TNNI1: variants seen among roughly 807,000 people sequenced by gnomAD.
TNNI1 encodes the protein troponin I1, slow skeletal type, also known as troponin I, slow skeletal muscle.
Under a neutral mutation model 26.7 loss-of-function variants are expected in TNNI1, and 14 were observed. The ratio of observed to expected loss-of-function variants is 0.52; its 90% CI spans 0.35 to 0.82. TNNI1 has a LOEUF of 0.82. Among genes scored for constraint, TNNI1 ranks in the 40% least tolerant of loss-of-function variants. TNNI1 has a pLI of 0.01. For missense variants in TNNI1, 164 were observed against 257.0 expected, an observed-to-expected ratio of 0.64 and a Z score of 2.47; for synonymous variants, 79 against 98.2, an observed-to-expected ratio of 0.80 and a Z score of 1.16.
chr1:201,420,563 G>A (rs765338858), intron 1 of TNNI1, among the ~76,000 whole-genome samples: 3 of 152,170 alleles, frequency 2.0e-5, no homozygotes, highest in Non-Finnish European at 2.9e-5. Flanking sequence ...GTGTGTGTAA[G>A]TGACTGTGTG....
chr1:201,409,639 C>T (rs527393713), intron 8 of TNNI1, among the ~76,000 whole-genome samples: 1 of 152,342 alleles, frequency 6.6e-6, no homozygotes, highest in East Asian at 1.9e-4. Context: ...CCTGCTCTGA[C>T]CAGTGCTGTC....
At chr1:201,414,695 C>T (rs773379121) in intron 4 of TNNI1, 46 bp from the exon 5 acceptor site, 2 of 1,597,150 alleles carry the variant, frequency 1.3e-6, no homozygotes, top group Non-Finnish European at 1.7e-6. Context: ...CATCTCCCAC[C>T]CGGCATCAGG....
In TNNI1 at chr1:201,418,734, C is replaced by T. The variant is rs554763269; in HGVS notation, c.-19-922G>A. 3.9e-5 allele frequency among the ~76,000 whole-genome samples: 6 copies of T among 152,332 alleles called. No homozygotes were observed. In the South Asian group the frequency reaches 1.2e-3, roughly 32 times the overall value. On this transcript the variant is annotated intron_variant, in intron 1 of 8. Transcript: ENST00000361379. ...GAGTGGGAGAGAATAAGCCGCAAGG[C>T]AGGGCAAATCCCGTGTTCACCCTAG...
Position 201,417,788 on chromosome 1 carries a change from C to T in TNNI1, c.6G>A (p.Pro2=), listed in dbSNP as rs3738286. 55,341 of 1,313,128 alleles carry T rather than the reference C, an allele frequency of 0.042. 1,830 individuals carry two copies. Among genetic ancestry groups the T allele is most frequent in the South Asian group, 0.19 (6,099 of 31,464 alleles). 81.3% of individuals were successfully genotyped at this position (1,313,128 alleles called of 1,614,324 possible). A position where few individuals can be genotyped will look rare whatever the true frequency, so the allele number is the denominator to read the frequency against. ...ATGGCAGTGAGACTACTTACACTTC[C>T]GGCATGGTGGCAGTGAGACAGCACC... M[P]EVERKPKITA... The change falls in exon 2 of 9, where the codon CCG becomes CCA. Residue 2 remains proline, a synonymous_variant. Transcript: ENST00000361379.
chr1:201,413,338 C>T (rs1662670243), intron 5 of TNNI1, among the ~76,000 whole-genome samples: 1 of 152,182 alleles, frequency 6.6e-6, no homozygotes, highest in South Asian at 2.1e-4. Flanking sequence ...AAATAGTATT[C>T]CTTCGCTTGA....
Position 201,413,010 on chromosome 1 carries a change from C to T in TNNI1, c.279+22G>A, listed in dbSNP as rs761310238. ...CCTGCCCAACCCATTATGGCCATGC[C>T]CCTTCCCTTCCTTAGACTCACCTCC... is the stretch of plus-strand genomic sequence containing the variant. On this transcript the variant is annotated intron_variant, in intron 6 of 8. Transcript: ENST00000361379. 2.5e-6 allele frequency: 4 copies of T among 1,612,708 alleles called. No individual in the cohort carries two copies. In the South Asian group the frequency reaches 3.3e-5, roughly 13 times the overall value.
chr1:201,407,207 G>A lies in TNNI1; in HGVS notation c.*2046C>T, dbSNP rs544479032. 1 of 152,426 alleles carries A rather than the reference G, an allele frequency of 6.6e-6. No individual in the cohort carries two copies. Among genetic ancestry groups the A allele is most frequent in the Non-Finnish European group, 1.5e-5 (1 of 68,086 alleles). 9.4% of individuals were successfully genotyped at this position (152,426 alleles called of 1,614,324 possible). A position where few individuals can be genotyped will look rare whatever the true frequency, so the allele number is the denominator to read the frequency against. On this transcript the variant is annotated 3_prime_UTR_variant, in exon 9 of 9. Transcript: ENST00000361379. ...GAGGAGCCCTGTGAGGCGGGGAAGA[G>A]TGGGTTTCTGTGGCTGCCTGGGCAT... is the stretch of plus-strand genomic sequence containing the variant.
At chr1:201,420,248 G>A (rs931134189) in intron 1 of TNNI1, among the ~76,000 whole-genome samples, 4 of 152,222 alleles carry the variant, frequency 2.6e-5, no homozygotes, top group South Asian at 2.1e-4. Flanking sequence ...GGGGTCCCAC[G>A]TCAGGCAAGA....
At position 201,414,662 on chromosome 1, in the gene TNNI1, C is replaced by T. The variant is rs1006717506; in HGVS notation, c.58-13G>A. On this transcript the variant is annotated splice_polypyrimidine_tract_variant and intron_variant, in intron 4 of 8. Transcript: ENST00000361379. ...CCAGCATCAGGCTCTGGACAGGACA[C>T]ACCTGCTGAGCTGGGGGCCTCACAT... The T allele has an allele frequency of 2.5e-6, 4 of 1,610,146 alleles. No homozygotes were observed. Among genetic ancestry groups the T allele is most frequent in the African/African-American group, 1.3e-5 (1 of 74,892 alleles).
rs564821319 is a variant in TNNI1 at position 201,403,865 on chromosome 1, T to A, written c.*5388A>T. The stretch of plus-strand genomic sequence containing the variant: ...AACCAAGAGAATAACAAACACAAAA[T>A]TGAGGATTGTATTTACCTTTGTGGA... On this transcript the variant is annotated 3_prime_UTR_variant, in exon 9 of 9. Transcript: ENST00000361379. The A allele has an allele frequency of 2.0e-5, 3 of 152,062 alleles. No individual in the cohort carries two copies. Among genetic ancestry groups the A allele is most frequent in the African/African-American group, 7.2e-5 (3 of 41,382 alleles). 9.4% of individuals were successfully genotyped at this position (152,062 alleles called of 1,614,324 possible). A position where few individuals can be genotyped will look rare whatever the true frequency, so the allele number is the denominator to read the frequency against.
chr1:201,415,027 G>T (rs1662708931), intron 4 of TNNI1, among the ~76,000 whole-genome samples, 186 bp downstream of exon 4: 1 of 152,168 alleles, frequency 6.6e-6, no homozygotes, highest in Non-Finnish European at 1.5e-5. Flanking sequence ...CATACTCGAG[G>T]ATCCCACCTA....
chr1:201,415,479 T>C (rs1484810831), intron 3 of TNNI1, among the ~76,000 whole-genome samples: 1 of 152,198 alleles, frequency 6.6e-6, no homozygotes, highest in Non-Finnish European at 1.5e-5. Flanking sequence ...AACTTCCCAC[T>C]CTGATTCTGC....
At chr1:201,420,439 G>C (rs967641386) in intron 1 of TNNI1, among the ~76,000 whole-genome samples, 183 of 152,288 alleles carry the variant, frequency 1.2e-3, no homozygotes, top group African/African-American at 4.1e-3. Context: ...CCCCCCGAGG[G>C]GGGGAGCAAA....
At chr1:201,409,302 G>A (rs1277388963) in intron 8 of TNNI1, 52 bp from the exon 9 acceptor site, 2 of 152,384 alleles carry the variant, frequency 1.3e-5, no homozygotes, top group South Asian at 2.1e-4. Flanking sequence ...TGTGTGCAGC[G>A]CATGAATCCC....
At chr1:201,410,000 G>A (rs1218036232) in intron 8 of TNNI1, 1 of 212,580 alleles carries the variant, frequency 4.7e-6, no homozygotes, top group East Asian at 1.1e-4. Flanking sequence ...TAGTGGATCT[G>A]GGGTGGGGGC....
intron 1 of TNNI1, 101 bp downstream of exon 1, chr1:201,421,572 T>TTTTCTCCAGCTCCAAGACCTCGC (rs1662857346): frequency 6.6e-6 from 1 of 152,070 alleles, no homozygotes; most frequent in Admixed American, 6.5e-5. Flanking sequence ...CAAGAAATGG[T>TTTTCTCCAGCTCCAAGACCTCGC]TTTCTCCAGC....
intron 1 of TNNI1, among the ~76,000 whole-genome samples, chr1:201,420,506 T>C (rs375161819): frequency 6.6e-6 from 1 of 152,170 alleles, no homozygotes. Context: ...CTTTGCAGCG[T>C]GGAAGGGACT....
rs1439726788 is a variant in TNNI1 at position 201,408,937 on chromosome 1, A to T, written c.*316T>A. 9.9e-5 allele frequency: 15 copies of T among 152,196 alleles called. No homozygotes were observed. Among genetic ancestry groups the T allele is most frequent in the Admixed American group, 9.8e-4 (15 of 15,284 alleles). The allele number at this position is 152,196 out of a possible 1,614,324, so 9.4% of individuals were successfully genotyped here. A position where few individuals can be genotyped will look rare whatever the true frequency, so the allele number is the denominator to read the frequency against. ...TGTACACACATAGAAGGAGTGTGGC[A>T]CAGGGCTGGAGGAAAGGTGTTCTCA... is the stretch of plus-strand genomic sequence containing the variant. On this transcript the variant is annotated 3_prime_UTR_variant, in exon 9 of 9. Coordinates refer to ENST00000361379, the MANE Select transcript of TNNI1 (RefSeq NM_003281.4).
At chr1:201,419,099 C>T (rs1662810224) in intron 1 of TNNI1, among the ~76,000 whole-genome samples, 1 of 152,168 alleles carries the variant, frequency 6.6e-6, no homozygotes, top group Non-Finnish European at 1.5e-5. Context: ...CGAACCCACA[C>T]ATCCTGCACA....
Sources: gnomAD v4.1 joint callset for allele counts (sites outside exome capture counted in the v4.1 genomes callset) on GRCh38, gnomAD v4.1.1 for gene constraint, MANE v1.5 for transcripts, NCBI Gene and HGNC (gene_info 2026-07-23, HGNC 2026-07-21) for gene names.